TRIM21: variants seen among roughly 807,000 people sequenced by gnomAD.
The protein encoded by TRIM21 is tripartite motif containing 21, also known as E3 ubiquitin-protein ligase TRIM21.
A neutral mutation model predicts 36.1 loss-of-function variants in TRIM21; 35 were observed. That is an observed-to-expected ratio of 0.97 (90% CI 0.74 to 1.28). The LOEUF (loss-of-function observed/expected upper bound fraction) is 1.28. Among genes scored for constraint, TRIM21 ranks in the 50% most tolerant of loss-of-function variants. The pLI, the probability that TRIM21 is intolerant of heterozygous loss-of-function variation, is 0.00. For synonymous variants in TRIM21, 256 were observed against 211.5 expected, an observed-to-expected ratio of 1.21 and a Z score of -1.83; for missense variants, 635 against 570.7, an observed-to-expected ratio of 1.11 and a Z score of -1.15.
At chr11:4,389,159 A>G (rs1590837288) in intron 3 of TRIM21, among the ~76,000 whole-genome samples, 1 of 152,114 alleles carries the variant, frequency 6.6e-6, no homozygotes, top group East Asian at 1.9e-4. Context: ...CACCTCTCCT[A>G]GGAAATCATC....
chr11:4,390,464 AG>A lies in TRIM21; in HGVS notation c.-49-7del. The A allele has an allele frequency of 6.6e-7, 1 of 1,516,010 alleles. No individual in the cohort carries two copies. The allele number at this position is 1,516,010 out of a possible 1,614,324, so 93.9% of individuals were successfully genotyped here. Reference sequence around the variant, plus strand: ...GAGACCTTTAGGGGGTTTGGCTGGGAGAGAAGAAGAAAGGGAAAAGAGAATA... The same window carrying A: ...GAGACCTTTAGGGGGTTTGGCTGGGAAGAAGAAGAAAGGGAAAAGAGAATA... On this transcript the variant is annotated splice_region_variant and splice_polypyrimidine_tract_variant and intron_variant, in intron 1 of 6. Coordinates refer to ENST00000254436, the MANE Select transcript of TRIM21 (RefSeq NM_003141.4).
chr11:4,391,237 T>A (rs1190364425), intron 1 of TRIM21, among the ~76,000 whole-genome samples: 1 of 144,202 alleles, frequency 6.9e-6, no homozygotes, highest in Non-Finnish European at 1.6e-5. Context: ...GGAAAAAAAA[T>A]AATAATCTGA....
chr11:4,388,423 C>G lies in TRIM21; in HGVS notation c.612G>C (p.Glu204Asp). 6.2e-7 allele frequency: 1 copy of G among 1,613,958 alleles called. No individual in the cohort carries two copies. Among genetic ancestry groups the G allele is most frequent in the Non-Finnish European group, 8.5e-7 (1 of 1,179,894 alleles). Reference protein sequence around the residue: ...QRQLQELEKDEREQLRILGEK... With the variant: ...QRQLQELEKDDREQLRILGEK... Reference sequence around the variant, plus strand: ...CCCCCAGGATTCTCAGCTGCTCCCTCTCATCCTTCTCCAGCTCCTGCAGCT... The same window carrying G: ...CCCCCAGGATTCTCAGCTGCTCCCTGTCATCCTTCTCCAGCTCCTGCAGCT... The change falls in exon 4 of 7, where the codon GAG becomes GAC. Residue 204 changes from glutamate to aspartate, a missense_variant. Transcript: ENST00000254436.
In TRIM21 at chr11:4,390,213, T is replaced by C. The variant is rs1246428666; in HGVS notation, c.197A>G (p.Asn66Ser). The change falls in exon 2 of 7, where the codon AAT becomes AGT. Residue 66 changes from asparagine to serine, a missense_variant. Asn to Ser is a conservative substitution (Grantham distance 46). Transcript: ENST00000254436. The stretch of plus-strand genomic sequence containing the variant: ...GTTCACCATGTTGGCTAGCTGTCGA[T>C]TGGGCCGGAGATTCTTGAGCAGAAA... ...QRFLLKNLRP[N>S]RQLANMVNNL... 8 of 1,613,884 alleles carry C rather than the reference T, an allele frequency of 5.0e-6. No homozygotes were observed. Among genetic ancestry groups the C allele is most frequent in the South Asian group, 2.2e-5 (2 of 91,090 alleles).
intron 1 of TRIM21, among the ~76,000 whole-genome samples, chr11:4,390,954 C>T (rs1036269859): frequency 5.9e-5 from 9 of 152,334 alleles, no homozygotes; most frequent in Middle Eastern, 3.4e-3. Flanking sequence ...AAATCTAAGG[C>T]CTCAAACTAT....
chr11:4,385,869 C>A lies in TRIM21; in HGVS notation c.860-16G>T. The stretch of plus-strand genomic sequence containing the variant: ...GTGATGTGGACTGCAGAGAGAGGAC[C>A]ACAGTCAGGCCTTGCATGGGGGGAG... On this transcript the variant is annotated splice_polypyrimidine_tract_variant and intron_variant, in intron 6 of 6. Transcript: ENST00000254436. 1 of 1,589,090 alleles carries A rather than the reference C, an allele frequency of 6.3e-7. No homozygotes were observed. The highest frequency in any genetic ancestry group is 8.6e-7 in the Non-Finnish European group (1 of 1,166,902).
At chr11:4,393,139 C>G (rs970458015) in intron 1 of TRIM21, among the ~76,000 whole-genome samples, 10 of 152,338 alleles carry the variant, frequency 6.6e-5, no homozygotes, top group Admixed American at 5.2e-4. Context: ...AAGGCCTATA[C>G]ATTTCTGGTT....
In TRIM21 at chr11:4,386,239, C is replaced by G; in HGVS notation, c.777G>C (p.Leu259=). 6.2e-7 allele frequency: 1 copy of G among 1,613,914 alleles called. No homozygotes were observed. The highest frequency in any genetic ancestry group is 8.5e-7 in the Non-Finnish European group (1 of 1,179,846). The stretch of plus-strand genomic sequence containing the variant: ...CTGGAGAGGTAATATCCAGGTCCTT[C>G]AGGTTCCAGGACTCACTCCTGGGGG... ...IVLERSESWN[L]KDLDITSPEL... The change falls in exon 6 of 7, where the codon CTG becomes CTC. Residue 259 remains leucine (L), a synonymous_variant. Transcript: ENST00000254436.
rs977339312 is a variant in TRIM21, at chr11:4,390,164, C to T, written c.246G>A (p.Glu82=). Residue 82 remains glutamate, a synonymous_variant, in exon 2 of 7, where the codon GAG becomes GAA. Transcript: ENST00000254436. ...MVNNLKEISQ[E]AREGTQGERC... ...GTTCCCCCTGTGTGCCCTCTCTGGC[C>T]TCCTGGCTGATTTCTTTAAGGTTGT... is the stretch of plus-strand genomic sequence containing the variant. 3 of 1,614,050 alleles carry T rather than the reference C, an allele frequency of 1.9e-6. No individual in the cohort carries two copies. The highest frequency in any genetic ancestry group is 2.5e-6 in the Non-Finnish European group (3 of 1,179,900).
At chr11:4,385,890 G>T in intron 6 of TRIM21, 37 bp from the exon 7 acceptor site, 1 of 1,552,932 alleles carries the variant, frequency 6.4e-7, no homozygotes. Context: ...CTTGCATGGG[G>T]GGAGTTCACT....
At position 4,390,220 on chromosome 11, in the gene TRIM21, G is replaced by A. The variant is rs776665896; in HGVS notation, c.190C>T (p.Arg64Trp). The change falls in exon 2 of 7, where the codon CGG becomes TGG. Residue 64 changes from arginine (R) to tryptophan (W), a missense_variant. Transcript: ENST00000254436. ...CRQRFLLKNL[R>W]PNRQLANMVN... is the part of the protein sequence containing the mutation. ...ATGTTGGCTAGCTGTCGATTGGGCCGGAGATTCTTGAGCAGAAAGCGCTGC... is the reference window on the plus strand; with the variant it reads ...ATGTTGGCTAGCTGTCGATTGGGCCAGAGATTCTTGAGCAGAAAGCGCTGC... The A allele has an allele frequency of 5.8e-5, 93 of 1,613,994 alleles. No homozygotes were observed. Among genetic ancestry groups the A allele is most frequent in the Admixed American group, 2.7e-4 (16 of 60,010 alleles).
In TRIM21 at chr11:4,385,848, T is replaced by C. The variant is rs911613115; in HGVS notation, c.865A>G (p.Ile289Val). 6.2e-7 allele frequency: 1 copy of C among 1,607,404 alleles called. No homozygotes were observed. Among genetic ancestry groups the C allele is most frequent in the African/African-American group, 1.3e-5 (1 of 74,798 alleles). Residue 289 changes from isoleucine to valine, a missense_variant, in exon 7 of 7, where the codon ATC becomes GTC. Ile to Val is a conservative substitution (Grantham distance 29). Transcript: ENST00000254436. Reference sequence around the variant, plus strand: ...TTGGCTGTGTCTGGATCCAGAGTGATGTGGACTGCAGAGAGAGGACCACAG... The same window carrying C: ...TTGGCTGTGTCTGGATCCAGAGTGACGTGGACTGCAGAGAGAGGACCACAG... ...KKMLRTCAVHITLDPDTANPW... is the reference protein window; with the variant it reads ...KKMLRTCAVHVTLDPDTANPW...
In TRIM21 at chr11:4,390,245, C is replaced by A; in HGVS notation, c.165G>T (p.Arg55=). 1 of 1,613,964 alleles carries A rather than the reference C, an allele frequency of 6.2e-7. No individual in the cohort carries two copies. Among genetic ancestry groups the A allele is most frequent in the Middle Eastern group, 1.6e-4 (1 of 6,062 alleles). ...GGAGATTCTTGAGCAGAAAGCGCTG[C>A]CGGCACACAGGACAGACGCTGCCCC... ...KGGGSVCPVC[R]QRFLLKNLRP... Residue 55 remains arginine (R), a synonymous_variant, in exon 2 of 7, where the codon CGG becomes CGT. Transcript: ENST00000254436.
rs1173116462 is a variant in TRIM21 at position 4,389,666 on chromosome 11, T to C, written c.492A>G (p.Arg164=). The C allele has an allele frequency of 6.2e-7, 1 of 1,613,836 alleles. No individual in the cohort carries two copies. The highest frequency in any genetic ancestry group is 1.1e-5 in the South Asian group (1 of 91,074). Residue 164 remains arginine, a synonymous_variant, in exon 3 of 7, where the codon AGA becomes AGG. Coordinates refer to ENST00000254436, the MANE Select transcript of TRIM21 (RefSeq NM_003141.4). ...ATGTCATTCTTACCTTCCAGTCTGC[T>C]CTCTTTATTGCAATTTCCACTTCCA... ...EKLEVEIAIK[R]ADWKKTVETQ...
intron 1 of TRIM21, among the ~76,000 whole-genome samples, chr11:4,392,594 T>C (rs2094964348): frequency 8.7e-6 from 1 of 115,222 alleles, no homozygotes; most frequent in Non-Finnish European, 1.9e-5. Flanking sequence ...AAACAAGGCA[T>C]AAAATTAATG....
chr11:4,390,206 C>A lies in TRIM21; in HGVS notation c.204G>T (p.Gln68His), dbSNP rs2094961458. The A allele has an allele frequency of 6.2e-7, 1 of 1,613,900 alleles. No homozygotes were observed. Among genetic ancestry groups the A allele is most frequent in the Non-Finnish European group, 8.5e-7 (1 of 1,179,902 alleles). The change falls in exon 2 of 7, where the codon CAG (glutamine) becomes CAT (histidine). Residue 68 changes from glutamine to histidine, a missense_variant. Coordinates refer to ENST00000254436, the MANE Select transcript of TRIM21 (RefSeq NM_003141.4). ...FLLKNLRPNR[Q>H]LANMVNNLKE... ...TAAGGTTGTTCACCATGTTGGCTAG[C>A]TGTCGATTGGGCCGGAGATTCTTGA...
At chr11:4,392,411 A>T (rs1218148235) in intron 1 of TRIM21, among the ~76,000 whole-genome samples, 1 of 152,134 alleles carries the variant, frequency 6.6e-6, no homozygotes, top group Admixed American at 6.5e-5. Flanking sequence ...TACTAAAAAT[A>T]CAAAAATTAG....
Position 4,389,700 on chromosome 11 carries a change from G to A in TRIM21, c.458C>T (p.Ala153Val). ...LGELRRKQEL[A>V]EKLEVEIAIK... ...TGCAATTTCCACTTCCAACTTCTCAGCCAACTCCTGCTTTCTTCTCAGTTC... is the reference window on the plus strand; with the variant it reads ...TGCAATTTCCACTTCCAACTTCTCAACCAACTCCTGCTTTCTTCTCAGTTC... Residue 153 changes from alanine to valine, a missense_variant, in exon 3 of 7, where the codon GCT (alanine) becomes GTT (valine). Transcript: ENST00000254436. 6.2e-7 allele frequency: 1 copy of A among 1,613,908 alleles called. No homozygotes were observed. The highest frequency in any genetic ancestry group is 8.5e-7 in the Non-Finnish European group (1 of 1,179,890).
At position 4,390,219 on chromosome 11, in the gene TRIM21, C is replaced by A. The variant is rs376066276; in HGVS notation, c.191G>T (p.Arg64Leu). Residue 64 changes from arginine (R) to leucine (L), a missense_variant, in exon 2 of 7, where the codon CGG becomes CTG. Coordinates refer to ENST00000254436, the MANE Select transcript of TRIM21 (RefSeq NM_003141.4). Reference protein sequence around the residue: ...CRQRFLLKNLRPNRQLANMVN... With the variant: ...CRQRFLLKNLLPNRQLANMVN... ...CATGTTGGCTAGCTGTCGATTGGGC[C>A]GGAGATTCTTGAGCAGAAAGCGCTG... 2 of 1,614,000 alleles carry A rather than the reference C, an allele frequency of 1.2e-6. No homozygotes were observed. The highest frequency in any genetic ancestry group is 8.5e-7 in the Non-Finnish European group (1 of 1,179,908).
Sources: allele counts gnomAD v4.1 joint callset (sites outside exome capture counted in the v4.1 genomes callset), GRCh38; gene constraint gnomAD v4.1.1; transcripts MANE v1.5; gene names NCBI Gene and HGNC (gene_info 2026-07-23, HGNC 2026-07-21).